Variants in ATP1B1 observed in about 807,000 individuals in gnomAD.
ATP1B1 encodes sodium/potassium-transporting ATPase subunit beta-1.
A neutral mutation model predicts 39.6 loss-of-function variants in ATP1B1; 3 were observed. The observed-to-expected ratio is 0.08, with a 90% CI of 0.03 to 0.20. The LOEUF (loss-of-function observed/expected upper bound fraction) is 0.20. ATP1B1 is among the 10% of genes least tolerant of loss of function. The pLI, the probability that ATP1B1 is intolerant of heterozygous loss-of-function variation, is 1.00. For synonymous variants in ATP1B1, 139 were observed against 135.0 expected (o/e 1.03, Z -0.20); for missense variants, 216 against 371.1 (o/e 0.58, Z 3.43).
rs1325423705 is a variant in ATP1B1 at position 169,131,552 on chromosome 1, C to CTGA, written c.911_*1dup. On this transcript the variant is annotated inframe_insertion and stop_retained_variant, in exon 6 of 6. Coordinates refer to ENST00000367815, the MANE Select transcript of ATP1B1 (RefSeq NM_001677.4). This position sits in a 1 kb window ranked among gnomAD's most constrained non-coding sequence, Gnocchi z 4.4. ...TTGATGTAAAAATTGAAGTTAAGAGCTGATCACAAGCACAAATCTTTCCCA... is the reference window on the plus strand; with the variant it reads ...TTGATGTAAAAATTGAAGTTAAGAGCTGATGATCACAAGCACAAATCTTTCCCA... 1.2e-6 allele frequency: 2 copies of CTGA among 1,610,486 alleles called. No homozygotes were observed. The highest frequency in any genetic ancestry group is 1.7e-6 in the Non-Finnish European group (2 of 1,177,818).
At chr1:169,116,989 C>G (rs575088130) in intron 2 of ATP1B1, among the ~76,000 whole-genome samples, 5 of 152,174 alleles carry the variant, frequency 3.3e-5, no homozygotes, top group Non-Finnish European at 7.3e-5. Flanking sequence ...TTCCACCCCC[C>G]GCAAACTACC....
chr1:169,113,143 G>T (rs1571220225), intron 2 of ATP1B1, among the ~76,000 whole-genome samples: 1 of 151,542 alleles, frequency 6.6e-6, no homozygotes, highest in Non-Finnish European at 1.5e-5. Flanking sequence ...TCAGCTCACT[G>T]CAGTCTCCGC....
intron 2 of ATP1B1, among the ~76,000 whole-genome samples, chr1:169,119,403 A>G (rs1429940667): frequency 6.6e-6 from 1 of 152,146 alleles, no homozygotes; most frequent in Non-Finnish European, 1.5e-5. Flanking sequence ...AAAAGGTTAG[A>G]TTTGTTTCCT....
chr1:169,115,240 C>T (rs1657818119), intron 2 of ATP1B1, among the ~76,000 whole-genome samples: 1 of 149,296 alleles, frequency 6.7e-6, no homozygotes, highest in Admixed American at 6.7e-5. Flanking sequence ...TCTGTGAGAA[C>T]TAAATGAGAT....
chr1:169,110,442 C>T (rs1358715), intron 1 of ATP1B1, among the ~76,000 whole-genome samples: 90,759 of 151,734 alleles, frequency 0.6, 27,919 homozygotes, highest in East Asian at 0.89. Flanking sequence ...CACATTGAGT[C>T]GTTTGGCTGG....
intron 2 of ATP1B1, among the ~76,000 whole-genome samples, chr1:169,113,788 T>C (rs1657776408): frequency 1.3e-5 from 2 of 152,232 alleles, no homozygotes; most frequent in African/African-American, 4.8e-5. Flanking sequence ...GTGGCTCATC[T>C]TGGAAAAATG....
At chr1:169,115,317 C>T (rs1041877979) in intron 2 of ATP1B1, among the ~76,000 whole-genome samples, 13 of 150,836 alleles carry the variant, frequency 8.6e-5, no homozygotes, top group African/African-American at 2.9e-4. Flanking sequence ...TGTAGGGTAA[C>T]TGTTGAGAGC....
At chr1:169,110,754 C>T in intron 1 of ATP1B1, 1 of 1,110,800 alleles carries the variant, frequency 9.0e-7, no homozygotes, top group South Asian at 1.4e-5. Flanking sequence ...TTGTCTTGTC[C>T]TCCGAGGGGA....
intron 2 of ATP1B1, among the ~76,000 whole-genome samples, chr1:169,123,575 A>ATC (rs1315031887): frequency 8.9e-4 from 54 of 60,624 alleles, no homozygotes; most frequent in African/African-American, 1.9e-3. Context: ...GTTAAACTAT[A>ATC]TCTCTCTCTC....
intron 1 of ATP1B1, chr1:169,107,970 A>G (rs1420600128): frequency 6.6e-6 from 1 of 152,136 alleles, no homozygotes; most frequent in African/African-American, 2.4e-5. Flanking sequence ...AGTCCTGAAC[A>G]GAGGCCGATT....
intron 2 of ATP1B1, among the ~76,000 whole-genome samples, chr1:169,118,665 G>A (rs1204415161): frequency 6.6e-6 from 1 of 152,156 alleles, no homozygotes; most frequent in Non-Finnish European, 1.5e-5. Context: ...ACATATGTGT[G>A]TGTTTATGTG....
intron 1 of ATP1B1, chr1:169,110,588 C>CAGCTA: frequency 3.9e-6 from 1 of 254,568 alleles, no homozygotes. Flanking sequence ...TTTTTTTTTG[C>CAGCTA]TTTTGCAGCT....
rs773311235 is a variant in ATP1B1 at position 169,131,603 on chromosome 1, G to T, written c.*48G>T. On this transcript the variant is annotated 3_prime_UTR_variant, in exon 6 of 6. Coordinates refer to ENST00000367815, the MANE Select transcript of ATP1B1 (RefSeq NM_001677.4). The surrounding 1 kb of genome is among the most constrained non-coding windows in gnomAD (Gnocchi z 4.4). ...CTAGCCATTTAATAAGTTAAAAAAA[G>T]ATACAAAAACAAAAACCTACTAGTC... is the stretch of plus-strand genomic sequence containing the variant. The T allele has an allele frequency of 1.3e-6, 2 of 1,562,300 alleles. No individual in the cohort carries two copies. The highest frequency in any genetic ancestry group is 2.2e-5 in the East Asian group (1 of 44,548).
intron 2 of ATP1B1, among the ~76,000 whole-genome samples, chr1:169,116,332 G>GTA (rs1553235998): frequency 6.7e-6 from 1 of 149,386 alleles, no homozygotes; most frequent in Non-Finnish European, 1.5e-5. Context: ...AGGTATGAAT[G>GTA]TATGCTGCTG....
At chr1:169,128,215 G>A (rs182278347) in intron 4 of ATP1B1, among the ~76,000 whole-genome samples, 16 of 152,140 alleles carry the variant, frequency 1.1e-4, no homozygotes, top group East Asian at 3.9e-4. Context: ...CTAATCACCC[G>A]TATATGAGCG....
At chr1:169,119,354 G>T (rs1657923360) in intron 2 of ATP1B1, among the ~76,000 whole-genome samples, 1 of 152,182 alleles carries the variant, frequency 6.6e-6, no homozygotes. Flanking sequence ...AGAGCTCAGG[G>T]TGGTTAATGT....
In ATP1B1 at chr1:169,106,723, G is replaced by T. The variant is rs560658320; in HGVS notation, c.-107G>T. On this transcript the variant is annotated 5_prime_UTR_variant, in exon 1 of 6. Transcript: ENST00000367815. ...AGCCGCAGCGGCAGCGGCGCGTCCT[G>T]CCTGCAGAGAGCCAGGCCGGAGAAG... is the stretch of plus-strand genomic sequence containing the variant. 16 of 865,484 alleles carry T rather than the reference G, an allele frequency of 1.8e-5. No individual in the cohort carries two copies. The highest frequency in any genetic ancestry group is 4.2e-5 in the Admixed American group (1 of 24,086). 53.6% of individuals were successfully genotyped at this position (865,484 alleles called of 1,614,324 possible).
Position 169,131,729 on chromosome 1 carries a change from T to C in ATP1B1, c.*174T>C. 1.3e-6 allele frequency: 1 copy of C among 760,132 alleles called. No individual in the cohort carries two copies. Among genetic ancestry groups the C allele is most frequent in the Non-Finnish European group, 2.0e-6 (1 of 504,896 alleles). 47.1% of individuals were successfully genotyped at this position (760,132 alleles called of 1,614,324 possible). On this transcript the variant is annotated 3_prime_UTR_variant, in exon 6 of 6. Transcript: ENST00000367815. This position sits in a 1 kb window ranked among gnomAD's most constrained non-coding sequence, Gnocchi z 4.4. Reference sequence around the variant, plus strand: ...TAGAATGTAAATTAAAGTGTAGCAATAGCAACAAAATATTTATTCTACTGT... The same window carrying C: ...TAGAATGTAAATTAAAGTGTAGCAACAGCAACAAAATATTTATTCTACTGT...
intron 2 of ATP1B1, among the ~76,000 whole-genome samples, chr1:169,112,554 T>G (rs77977611): frequency 0.03 from 4,537 of 152,312 alleles, 105 homozygotes; most frequent in Middle Eastern, 0.075. Context: ...ATGATCTACG[T>G]GGCCCTGAGC....
Sources: gnomAD v4.1 joint callset for allele counts (sites outside exome capture counted in the v4.1 genomes callset) on GRCh38, gnomAD v4.1.1 for gene constraint, Gnocchi (gnomAD v3.1) non-coding constraint, MANE v1.5 for transcripts, NCBI Gene and HGNC (gene_info 2026-07-23, HGNC 2026-07-21) for gene names.